Variants in SPON1 observed in about 807,000 individuals in gnomAD.
The protein encoded by SPON1 is spondin 1, also known as spondin-1.
A neutral mutation model predicts 111.7 loss-of-function variants in SPON1; 52 were observed. That is an observed-to-expected ratio of 0.47 (90% CI 0.37 to 0.59). The LOEUF is 0.59. Among genes scored for constraint, SPON1 ranks in the 20% least tolerant of loss-of-function variants. The pLI is 0.00. For missense variants in SPON1, 957 were observed against 1,068.5 expected (o/e 0.90, Z 1.46); for synonymous variants, 410 against 395.8 (o/e 1.04, Z -0.43).
intron 2 of SPON1, among the ~76,000 whole-genome samples, chr11:13,997,270 T>C (rs1848280625): frequency 6.6e-6 from 1 of 152,066 alleles, no homozygotes; most frequent in Non-Finnish European, 1.5e-5. Flanking sequence ...GAAAGGACCA[T>C]GCATCTAGCT....
At position 14,075,385 on chromosome 11, in the gene SPON1, G is replaced by A; in HGVS notation, c.520G>A (p.Glu174Lys). The change falls in exon 4 of 16, where the codon GAG (glutamate) becomes AAG (lysine). Residue 174 changes from glutamate to lysine, a missense_variant. Around this residue, in one of 5 missense-constraint regions of SPON1, gnomAD observed 262 missense variants for 253.9 expected, o/e 1.03. Transcript: ENST00000576479. Reference sequence around the variant, plus strand: ...AAAACGCATTATTTATTTTCAAGATGAGGGCTCTCTGACCAAGAAACTTTG... The same window carrying A: ...AAAACGCATTATTTATTTTCAAGATAAGGGCTCTCTGACCAAGAAACTTTG... ...VQKRIIYFQD[E>K]GSLTKKLCEQ... 1 of 1,560,514 alleles carries A rather than the reference G, an allele frequency of 6.4e-7. No homozygotes were observed. The highest frequency in any genetic ancestry group is 2.4e-5 in the East Asian group (1 of 42,172).
intron 6 of SPON1, among the ~76,000 whole-genome samples, chr11:14,226,550 G>A (rs1327641461): frequency 1.3e-5 from 2 of 152,148 alleles, no homozygotes; most frequent in Non-Finnish European, 2.9e-5. Flanking sequence ...GTCAAAATTC[G>A]ACGTACAATT....
chr11:14,106,369 T>C lies in SPON1; in HGVS notation c.676+26348T>C, dbSNP rs561765444. Among the ~76,000 whole-genome samples, 4 of 152,326 alleles carry C rather than the reference T, an allele frequency of 2.6e-5. No homozygotes were observed. In the South Asian group the frequency reaches 8.3e-4, roughly 32 times the overall value. ...AGACCATTAACAACATTATGTATGG[T>C]CACCCAGGAATTTGCACACAAAATT... On this transcript the variant is annotated intron_variant, in intron 5 of 15. Coordinates refer to ENST00000576479, the MANE Select transcript of SPON1 (RefSeq NM_006108.4).
At chr11:14,106,653 G>A (rs1849186907) in intron 5 of SPON1, among the ~76,000 whole-genome samples, 1 of 152,166 alleles carries the variant, frequency 6.6e-6, no homozygotes, top group Non-Finnish European at 1.5e-5. Flanking sequence ...TGAATTCAGA[G>A]TGAAAGAACA....
intron 1 of SPON1, among the ~76,000 whole-genome samples, chr11:13,971,736 C>G (rs2133774814): frequency 6.6e-6 from 1 of 152,262 alleles, no homozygotes. Context: ...AGCACCTGGT[C>G]ACATCATTGC....
intron 3 of SPON1, among the ~76,000 whole-genome samples, chr11:14,062,895 G>A (rs565842092): frequency 6.6e-6 from 1 of 152,268 alleles, no homozygotes; most frequent in South Asian, 2.1e-4. Context: ...CACTGTGAGG[G>A]TCCAGCTCCA....
At chr11:14,080,799 A>C (rs1848956692) in intron 5 of SPON1, among the ~76,000 whole-genome samples, 1 of 152,080 alleles carries the variant, frequency 6.6e-6, no homozygotes, top group South Asian at 2.1e-4. Context: ...TCCCTTCATG[A>C]GGGGCCAAGC....
intron 5 of SPON1, among the ~76,000 whole-genome samples, chr11:14,134,618 C>A (rs1013715259): frequency 1.3e-5 from 2 of 152,204 alleles, no homozygotes; most frequent in African/African-American, 4.8e-5. Context: ...CAGCTGAAAT[C>A]AACCATGTTT....
chr11:14,071,835 C>T (rs1848879467), intron 3 of SPON1, among the ~76,000 whole-genome samples: 2 of 152,008 alleles, frequency 1.3e-5, no homozygotes, highest in African/African-American at 4.8e-5. Flanking sequence ...CCTCAGTCTC[C>T]CAAGCAGCAT....
chr11:13,983,336 G>A (rs538488585), intron 2 of SPON1, among the ~76,000 whole-genome samples: 1 of 152,366 alleles, frequency 6.6e-6, no homozygotes, highest in African/African-American at 2.4e-5. Flanking sequence ...CGCCAGGCTG[G>A]AGGGAGTTCA....
At chr11:14,099,845 G>A (rs1849129576) in intron 5 of SPON1, among the ~76,000 whole-genome samples, 2 of 152,130 alleles carry the variant, frequency 1.3e-5, no homozygotes, top group South Asian at 4.1e-4. Flanking sequence ...AGGCCAAGCG[G>A]AAGCAACTGA....
intron 5 of SPON1, among the ~76,000 whole-genome samples, chr11:14,097,751 G>A (rs1251476730): frequency 2.0e-5 from 3 of 152,078 alleles, no homozygotes; most frequent in African/African-American, 7.2e-5. Context: ...CTGCACTCCA[G>A]CCCAGGCAAC....
chr11:14,006,313 G>T (rs562741380), intron 2 of SPON1, among the ~76,000 whole-genome samples: 1 of 152,112 alleles, frequency 6.6e-6, no homozygotes, highest in Non-Finnish European at 1.5e-5. Context: ...TTGGCAAGGG[G>T]AGAGGGACAC....
chr11:14,213,758 G>T (rs11822800), intron 6 of SPON1, among the ~76,000 whole-genome samples: 2 of 152,112 alleles, frequency 1.3e-5, no homozygotes, highest in Non-Finnish European at 2.9e-5. Flanking sequence ...CATAAGCCAC[G>T]CTGTACTGAA....
chr11:14,011,750 T>A (rs1391819249), intron 2 of SPON1, among the ~76,000 whole-genome samples: 1 of 151,780 alleles, frequency 6.6e-6, no homozygotes, highest in Non-Finnish European at 1.5e-5. Context: ...GATGGACAAA[T>A]AAAAGTTAGA....
intron 3 of SPON1, among the ~76,000 whole-genome samples, chr11:14,046,598 C>G (rs1848669896): frequency 6.6e-6 from 1 of 152,138 alleles, no homozygotes; most frequent in African/African-American, 2.4e-5. Context: ...TTGCATGAAA[C>G]CCACACCATT....
At chr11:14,128,459 G>A (rs553817126) in intron 5 of SPON1, among the ~76,000 whole-genome samples, 22 of 152,318 alleles carry the variant, frequency 1.4e-4, no homozygotes, top group Admixed American at 6.5e-4. Context: ...AGGCCACGTC[G>A]ATGTAAGAGG....
intron 6 of SPON1, among the ~76,000 whole-genome samples, chr11:14,150,147 G>C (rs1051240741): frequency 2.0e-5 from 3 of 152,074 alleles, no homozygotes; most frequent in African/African-American, 7.2e-5. Context: ...CCATAAAAAA[G>C]AATGAAATGC....
chr11:14,121,890 GT>G (rs202053982), intron 5 of SPON1, among the ~76,000 whole-genome samples: 3,410 of 147,592 alleles, frequency 0.023, 122 homozygotes, highest in African/African-American at 0.078. Context: ...TAGGCTGACA[GT>G]TTTTTTTTTT....
Sources: gnomAD v4.1 joint callset for allele counts (sites outside exome capture counted in the v4.1 genomes callset) on GRCh38, gnomAD v4.1.1 for gene constraint, gnomAD v4.1.1 regional missense constraint, MANE v1.5 for transcripts, NCBI Gene and HGNC (gene_info 2026-07-23, HGNC 2026-07-21) for gene names.